ABTB3: variants seen among roughly 807,000 people sequenced by gnomAD.
ABTB3 encodes ankyrin repeat and BTB domain containing 3.
the ABTB3 span, among the ~76,000 whole-genome samples, chr12:107,427,053 A>G: frequency 1.3e-5 from 2 of 152,158 alleles, no homozygotes; most frequent in African/African-American, 4.8e-5. Context: ...AGCAACACAG[A>G]TGTCTTCTCC....
the ABTB3 span, among the ~76,000 whole-genome samples, chr12:107,372,816 A>G: frequency 6.6e-6 from 1 of 152,078 alleles, no homozygotes; most frequent in Non-Finnish European, 1.5e-5. Context: ...ACCTGGAGAT[A>G]TTGACTTATT....
chr12:107,630,313 T>C, the ABTB3 span, among the ~76,000 whole-genome samples: 2 of 152,152 alleles, frequency 1.3e-5, no homozygotes, highest in Non-Finnish European at 2.9e-5. Context: ...AATGAGTGAA[T>C]ATGTAGCTTA....
chr12:107,609,046 G>A, the ABTB3 span, among the ~76,000 whole-genome samples: 90 of 151,908 alleles, frequency 5.9e-4, 1 homozygote, highest in Non-Finnish European at 1.1e-3. Flanking sequence ...TCTCCCCCAC[G>A]AAGGCTTGCT....
the ABTB3 span, chr12:107,649,269 A>G: frequency 1.2e-4 from 189 of 1,612,858 alleles, no homozygotes; most frequent in Middle Eastern, 8.3e-4. Context: ...CAATGAGATC[A>G]TGGAGGTAAG....
chr12:107,351,571 T>C, the ABTB3 span, among the ~76,000 whole-genome samples: 1 of 152,318 alleles, frequency 6.6e-6, no homozygotes, highest in East Asian at 1.9e-4. Context: ...GCAAGGACTC[T>C]GCTCTCATGA....
chr12:107,345,825 TG>T, the ABTB3 span, among the ~76,000 whole-genome samples: 10 of 151,904 alleles, frequency 6.6e-5, no homozygotes, highest in Non-Finnish European at 1.5e-4. Context: ...GAGGAAACAG[TG>T]GGTAGAAGGA....
chr12:107,557,060 C>A, the ABTB3 span, among the ~76,000 whole-genome samples: 1 of 152,110 alleles, frequency 6.6e-6, no homozygotes, highest in African/African-American at 2.4e-5. Flanking sequence ...TCCGATTGGA[C>A]AGCCTTTGAG....
chr12:107,321,603 C>CCACACA, the ABTB3 span, among the ~76,000 whole-genome samples: 55 of 85,474 alleles, frequency 6.4e-4, no homozygotes, highest in African/African-American at 2.2e-3. Context: ...ATCTTCGAGG[C>CCACACA]CACACACACA....
chr12:107,543,787 T>C, the ABTB3 span: 1 of 672,580 alleles, frequency 1.5e-6, no homozygotes, highest in Non-Finnish European at 2.5e-6. Flanking sequence ...CATTCCTCTC[T>C]GCTTGGTGAG....
the ABTB3 span, among the ~76,000 whole-genome samples, chr12:107,531,623 A>G: frequency 1.3e-5 from 2 of 152,086 alleles, no homozygotes; most frequent in African/African-American, 4.8e-5. Flanking sequence ...TGCTAGTTAC[A>G]GGAAAACCCC....
chr12:107,456,021 G>A, the ABTB3 span, among the ~76,000 whole-genome samples: 40 of 152,298 alleles, frequency 2.6e-4, no homozygotes, highest in African/African-American at 8.9e-4. Context: ...GTGCAAGGGC[G>A]CTTGCAAAGA....
At chr12:107,427,871 C>G in the ABTB3 span, among the ~76,000 whole-genome samples, 3 of 152,198 alleles carry the variant, frequency 2.0e-5, no homozygotes, top group Non-Finnish European at 4.4e-5. Flanking sequence ...GGTATGAGCT[C>G]ATGTGTTCCC....
chr12:107,322,164 C>T, the ABTB3 span, among the ~76,000 whole-genome samples: 1 of 151,972 alleles, frequency 6.6e-6, no homozygotes, highest in East Asian at 1.9e-4. Context: ...TTGTGTTTAC[C>T]CTTTTTGGAG....
the ABTB3 span, among the ~76,000 whole-genome samples, chr12:107,436,773 A>G: frequency 6.6e-6 from 1 of 152,142 alleles, no homozygotes; most frequent in African/African-American, 2.4e-5. Flanking sequence ...AGCACCTAGC[A>G]TGTCATAGGT....
At chr12:107,414,294 T>C in the ABTB3 span, among the ~76,000 whole-genome samples, 2 of 152,164 alleles carry the variant, frequency 1.3e-5, no homozygotes, top group African/African-American at 2.4e-5. Flanking sequence ...TCATATGGAC[T>C]GGAGATGTTA....
chr12:107,622,683 A>T, the ABTB3 span, among the ~76,000 whole-genome samples: 2 of 152,206 alleles, frequency 1.3e-5, no homozygotes, highest in Non-Finnish European at 2.9e-5. Context: ...CATGTTGGCC[A>T]GGGTGATCTC....
At chr12:107,340,293 C>T in the ABTB3 span, among the ~76,000 whole-genome samples, 1 of 152,164 alleles carries the variant, frequency 6.6e-6, no homozygotes, top group South Asian at 2.1e-4. Flanking sequence ...GTGCTTTTGA[C>T]ATAAAGAAAC....
At chr12:107,622,609 G>A in the ABTB3 span, among the ~76,000 whole-genome samples, 1 of 152,146 alleles carries the variant, frequency 6.6e-6, no homozygotes, top group Non-Finnish European at 1.5e-5. Flanking sequence ...AGCCTCCCAA[G>A]TGGCTGGGAT....
At chr12:107,319,108 T>G in the ABTB3 span, 3 of 1,608,060 alleles carry the variant, frequency 1.9e-6, no homozygotes, top group African/African-American at 4.0e-5. Flanking sequence ...CGCCTCTAGC[T>G]GACTCCATGC....
Sources: allele counts gnomAD v4.1 joint callset (sites outside exome capture counted in the v4.1 genomes callset), GRCh38; gene constraint gnomAD v4.1.1; transcripts MANE v1.5; gene names NCBI Gene and HGNC (gene_info 2026-07-23, HGNC 2026-07-21).